NEGR1: variants seen among roughly 807,000 people sequenced by gnomAD.
NEGR1 encodes neuronal growth regulator 1, also known as IgLON family member 4.
A neutral mutation model predicts 40.9 loss-of-function variants in NEGR1; 10 were observed. The ratio of observed to expected loss-of-function variants is 0.24; its 90% CI spans 0.15 to 0.42. The LOEUF (loss-of-function observed/expected upper bound fraction) is 0.42. Among genes scored for constraint, NEGR1 ranks in the 10% least tolerant of loss-of-function variants. The pLI, the probability that NEGR1 is intolerant of heterozygous loss-of-function variation, is 1.00. For missense variants in NEGR1, 352 were observed against 438.9 expected, an observed-to-expected ratio of 0.80 and a Z score of 1.77; for synonymous variants, 185 against 166.8, an observed-to-expected ratio of 1.11 and a Z score of -0.84.
intron 3 of NEGR1, among the ~76,000 whole-genome samples, chr1:71,731,306 C>T (rs1654859612): frequency 6.6e-6 from 1 of 152,142 alleles, no homozygotes; most frequent in East Asian, 1.9e-4. Context: ...CTTCCAGAAG[C>T]CCCCTCTACT....
rs181700044 is a variant in NEGR1, at chr1:72,181,759, C to T, written c.176+100560G>A. 2.6e-4 allele frequency among the ~76,000 whole-genome samples: 40 copies of T among 152,098 alleles called. No individual in the cohort carries two copies. The Middle Eastern group carries it at 0.01, about 39-fold the overall frequency. ...TCACAAGATGGATGAACCCAGAGGA[C>T]ATTATGCTAAGGGAAATAAGCCAAA... On this transcript the variant is annotated intron_variant, in intron 1 of 6. Transcript: ENST00000357731.
At chr1:72,034,619 C>T (rs1174795418) in intron 1 of NEGR1, among the ~76,000 whole-genome samples, 10 of 152,148 alleles carry the variant, frequency 6.6e-5, no homozygotes, top group East Asian at 3.9e-4. Flanking sequence ...TGGACAATTG[C>T]TGCCACTTCC....
At chr1:71,834,468 C>T (rs1359524965) in intron 2 of NEGR1, among the ~76,000 whole-genome samples, 1 of 148,626 alleles carries the variant, frequency 6.7e-6, no homozygotes, top group Non-Finnish European at 1.5e-5. Context: ...CCCCTGCCAA[C>T]CATTTTTTTT....
At chr1:71,669,546 A>T (rs1313005594) in intron 4 of NEGR1, among the ~76,000 whole-genome samples, 1 of 152,158 alleles carries the variant, frequency 6.6e-6, no homozygotes, top group African/African-American at 2.4e-5. Flanking sequence ...ACTGAAGTTA[A>T]ATTTCAATTA....
intron 6 of NEGR1, among the ~76,000 whole-genome samples, chr1:71,573,993 T>C (rs769831276): frequency 1.3e-5 from 2 of 152,200 alleles, no homozygotes; most frequent in Non-Finnish European, 2.9e-5. Flanking sequence ...GCTTTGTTGT[T>C]CCCTGTTTTG....
chr1:71,488,763 CT>C (rs1009830239), intron 6 of NEGR1, among the ~76,000 whole-genome samples: 5 of 151,598 alleles, frequency 3.3e-5, no homozygotes, highest in African/African-American at 1.2e-4. Flanking sequence ...ATCTGAGATC[CT>C]TATCTTGGAC....
chr1:71,914,126 C>T (rs1661506359), intron 2 of NEGR1, among the ~76,000 whole-genome samples: 1 of 152,182 alleles, frequency 6.6e-6, no homozygotes. Context: ...GACGCCAATC[C>T]TGAACAGGAA....
intron 1 of NEGR1, among the ~76,000 whole-genome samples, chr1:72,278,585 T>C (rs1010603757): frequency 1.3e-5 from 2 of 152,108 alleles, no homozygotes; most frequent in Admixed American, 1.3e-4. Flanking sequence ...TTATGTATTG[T>C]TCTAGAGCAG....
chr1:71,706,627 G>C (rs1319092980), intron 3 of NEGR1, among the ~76,000 whole-genome samples: 1 of 150,894 alleles, frequency 6.6e-6, no homozygotes, highest in African/African-American at 2.4e-5. Flanking sequence ...AGAGTGGAGA[G>C]GACTTTGTCT....
At chr1:71,754,876 T>A (rs1655681963) in intron 3 of NEGR1, among the ~76,000 whole-genome samples, 1 of 152,174 alleles carries the variant, frequency 6.6e-6, no homozygotes, top group Admixed American at 6.6e-5. Context: ...TGGAAACTCT[T>A]TCTCAGTCTC....
intron 4 of NEGR1, among the ~76,000 whole-genome samples, chr1:71,653,637 T>A (rs1651787061): frequency 6.6e-6 from 1 of 152,200 alleles, no homozygotes; most frequent in Admixed American, 6.5e-5. Flanking sequence ...AAGGTAGATA[T>A]TTATCACTGG....
intron 1 of NEGR1, among the ~76,000 whole-genome samples, chr1:72,177,699 C>A (rs1652226319): frequency 1.3e-5 from 2 of 151,346 alleles, no homozygotes; most frequent in South Asian, 4.2e-4. Context: ...CTTTTTGTTA[C>A]TATTGTTCAA....
chr1:72,190,637 T>C (rs1174125787), intron 1 of NEGR1, among the ~76,000 whole-genome samples: 1 of 151,582 alleles, frequency 6.6e-6, no homozygotes, highest in Non-Finnish European at 1.5e-5. Flanking sequence ...TTGTTTCTAT[T>C]TATTAATATA....
At chr1:71,483,352 CATAAT>C (rs768012525) in intron 6 of NEGR1, among the ~76,000 whole-genome samples, 4 of 151,632 alleles carry the variant, frequency 2.6e-5, no homozygotes, top group Admixed American at 6.6e-5. Flanking sequence ...AAAGGAATGA[CATAAT>C]ATAAGTTATA....
At chr1:71,884,578 T>C (rs1415491783) in intron 2 of NEGR1, among the ~76,000 whole-genome samples, 2 of 152,210 alleles carry the variant, frequency 1.3e-5, no homozygotes, top group African/African-American at 4.8e-5. Flanking sequence ...AAATATCATA[T>C]GCACCTTTAT....
chr1:72,077,486 A>G (rs1272400711), intron 1 of NEGR1, among the ~76,000 whole-genome samples: 1 of 152,098 alleles, frequency 6.6e-6, no homozygotes, highest in African/African-American at 2.4e-5. Context: ...CTTACTGAAT[A>G]ATTACTTTAA....
At chr1:71,604,121 G>A (rs1341376890) in intron 5 of NEGR1, among the ~76,000 whole-genome samples, 2 of 152,132 alleles carry the variant, frequency 1.3e-5, no homozygotes, top group African/African-American at 2.4e-5. Context: ...TATTTTTGAA[G>A]CAGTAGAGTA....
At chr1:71,774,378 G>A (rs757604056) in intron 3 of NEGR1, among the ~76,000 whole-genome samples, 23 of 152,148 alleles carry the variant, frequency 1.5e-4, no homozygotes, top group Non-Finnish European at 2.8e-4. Flanking sequence ...TGAAGAGTTG[G>A]CAGTCAAGAG....
chr1:72,281,726 CAG>C (rs1656259998), intron 1 of NEGR1, among the ~76,000 whole-genome samples: 1 of 150,142 alleles, frequency 6.7e-6, no homozygotes, highest in Non-Finnish European at 1.5e-5. Context: ...AGGGAAAAAA[CAG>C]AAAATAGAAA....
Sources: allele counts gnomAD v4.1 joint callset (sites outside exome capture counted in the v4.1 genomes callset), GRCh38; gene constraint gnomAD v4.1.1; transcripts MANE v1.5; gene names NCBI Gene and HGNC (gene_info 2026-07-23, HGNC 2026-07-21).